Variants in ROR1 observed in about 807,000 individuals in gnomAD.
ROR1 encodes ROR family WNT receptor 1.
In ROR1, 19 loss-of-function variants were observed where a neutral mutation model predicts 78.8. The observed-to-expected ratio is 0.24, with a 90% CI of 0.17 to 0.35. The LOEUF (loss-of-function observed/expected upper bound fraction) is 0.35. Among genes scored for constraint, ROR1 ranks in the 10% least tolerant of loss-of-function variants. ROR1 has a pLI of 1.00. For missense variants in ROR1, 917 were observed against 1,177.8 expected, an observed-to-expected ratio of 0.78 and a Z score of 3.24; for synonymous variants, 386 against 433.6, an observed-to-expected ratio of 0.89 and a Z score of 1.36.
intron 1 of ROR1, among the ~76,000 whole-genome samples, chr1:63,965,517 T>C (rs1347828759): frequency 6.6e-6 from 1 of 152,216 alleles, no homozygotes; most frequent in Non-Finnish European, 1.5e-5. Flanking sequence ...GACCACAATT[T>C]GTAATATTTT....
At chr1:63,948,214 A>G (rs192101756) in intron 1 of ROR1, among the ~76,000 whole-genome samples, 1 of 152,302 alleles carries the variant, frequency 6.6e-6, no homozygotes, top group East Asian at 1.9e-4. Context: ...AAATTATCTT[A>G]TCCTCTACAC....
chr1:63,787,684 G>C (rs2100231876), intron 1 of ROR1, among the ~76,000 whole-genome samples: 1 of 152,164 alleles, frequency 6.6e-6, no homozygotes, highest in Non-Finnish European at 1.5e-5. Context: ...CTGCCACCAT[G>C]CTTGCCTAAT....
rs1251066223 is a variant in ROR1, at chr1:63,787,460, TCCTTCCTTCCTTCCTTCCTTCCTG to T, written c.91+12960_91+12983del. On this transcript the variant is annotated intron_variant, in intron 1 of 8. Transcript: ENST00000371079. The stretch of plus-strand genomic sequence containing the variant: ...TTCTTTCCTTCCTTCCTTCCTTCCT[TCCTTCCTTCCTTCCTTCCTTCCTG>T]CCTTCCTGCCTTCCTGACTTCCTTT... 1.1e-4 allele frequency among the ~76,000 whole-genome samples: 14 copies of T among 126,436 alleles called. No homozygotes were observed. The East Asian group carries it at 2.3e-3, about 21-fold the overall frequency. 82.9% of individuals were successfully genotyped at this position (126,436 alleles called of 152,430 possible). A position where few individuals can be genotyped will look rare whatever the true frequency, so the allele number is the denominator to read the frequency against.
chr1:63,989,766 AG>A (rs1646280427), intron 1 of ROR1, among the ~76,000 whole-genome samples: 1 of 152,208 alleles, frequency 6.6e-6, no homozygotes, highest in Admixed American at 6.5e-5. Flanking sequence ...ACAGTCTAGT[AG>A]AATAGGATAA....
intron 1 of ROR1, among the ~76,000 whole-genome samples, chr1:63,959,090 GAGGCCTCAGGA>G (rs1646006793): frequency 6.6e-6 from 1 of 152,174 alleles, no homozygotes; most frequent in Non-Finnish European, 1.5e-5. Flanking sequence ...CATGGCTTAG[GAGGCCTCAGGA>G]AACTTACAAT....
rs571524492 is a variant in ROR1 at position 63,956,501 on chromosome 1, G to T, written c.92-52804G>T. ...GGCTTGACATAGTACATAGCACATT[G>T]TAAGCATTTAAGAAACATTGGCTGT... On this transcript the variant is annotated intron_variant, in intron 1 of 8. Transcript: ENST00000371079. Among the ~76,000 whole-genome samples, 8 of 152,262 alleles carry T rather than the reference G, an allele frequency of 5.3e-5. No homozygotes were observed. In the East Asian group the frequency reaches 1.5e-3, roughly 29 times the overall value.
intron 1 of ROR1, among the ~76,000 whole-genome samples, chr1:63,967,152 T>G (rs1296219020): frequency 1.3e-5 from 2 of 152,090 alleles, no homozygotes; most frequent in Non-Finnish European, 2.9e-5. Flanking sequence ...TAATAAGCAC[T>G]CAATAAATGC....
intron 1 of ROR1, among the ~76,000 whole-genome samples, chr1:63,863,816 A>G (rs890352699): frequency 3.3e-5 from 5 of 149,340 alleles, no homozygotes; most frequent in African/African-American, 1.3e-4. Flanking sequence ...ATAGATGGCG[A>G]TACTTGTTCA....
intron 4 of ROR1, among the ~76,000 whole-genome samples, chr1:64,093,519 G>A (rs1647223191): frequency 6.6e-6 from 1 of 151,928 alleles, no homozygotes; most frequent in African/African-American, 2.4e-5. Context: ...GGGGTGGGAG[G>A]TAGGAGAAAT....
At chr1:63,867,213 A>G (rs1187649902) in intron 1 of ROR1, among the ~76,000 whole-genome samples, 1 of 152,228 alleles carries the variant, frequency 6.6e-6, no homozygotes, top group African/African-American at 2.4e-5. Flanking sequence ...TATAATAGAC[A>G]CATAATTAAT....
At chr1:63,826,392 C>G (rs926099706) in intron 1 of ROR1, among the ~76,000 whole-genome samples, 6 of 152,150 alleles carry the variant, frequency 3.9e-5, no homozygotes, top group South Asian at 2.1e-4. Context: ...TGGCCTCCAG[C>G]TCCATCCATG....
chr1:64,154,482 C>A (rs867982335), intron 7 of ROR1, among the ~76,000 whole-genome samples: 1 of 152,150 alleles, frequency 6.6e-6, no homozygotes, highest in African/African-American at 2.4e-5. Context: ...AAAACCAGAG[C>A]CTTTTCTTGT....
intron 1 of ROR1, among the ~76,000 whole-genome samples, chr1:64,003,355 C>T (rs285383): frequency 0.66 from 100,068 of 152,104 alleles, 37,507 homozygotes; most frequent in East Asian, 0.94. Context: ...AAAGTGATTT[C>T]GTACTGCAAT....
intron 1 of ROR1, among the ~76,000 whole-genome samples, chr1:63,936,676 G>A (rs1645796702): frequency 6.6e-6 from 1 of 152,080 alleles, no homozygotes; most frequent in South Asian, 2.1e-4. Flanking sequence ...ACTGGCCTTG[G>A]AATAACACAT....
intron 4 of ROR1, among the ~76,000 whole-genome samples, chr1:64,135,526 G>A (rs1649072787): frequency 1.3e-5 from 2 of 151,952 alleles, no homozygotes; most frequent in East Asian, 1.9e-4. Flanking sequence ...GTGGCATGGG[G>A]GTGTATTCTG....
At chr1:64,141,602 A>G (rs1265342893) in intron 6 of ROR1, among the ~76,000 whole-genome samples, 2 of 152,114 alleles carry the variant, frequency 1.3e-5, no homozygotes, top group Non-Finnish European at 2.9e-5. Flanking sequence ...GTTTGCCTCC[A>G]TCCCCTACCC....
intron 2 of ROR1, among the ~76,000 whole-genome samples, chr1:64,048,548 G>A (rs1173274915): frequency 3.9e-5 from 6 of 152,064 alleles, no homozygotes; most frequent in African/African-American, 1.4e-4. Context: ...GGGGTGCTTA[G>A]GAAAAATGAA....
intron 2 of ROR1, among the ~76,000 whole-genome samples, chr1:64,013,168 T>G (rs1646491308): frequency 6.6e-6 from 1 of 152,192 alleles, no homozygotes; most frequent in Admixed American, 6.5e-5. Context: ...TAAGAAGTGA[T>G]AGCTGTTTTG....
chr1:64,025,926 G>C (rs939073990), intron 2 of ROR1, among the ~76,000 whole-genome samples: 2 of 152,124 alleles, frequency 1.3e-5, no homozygotes, highest in Non-Finnish European at 2.9e-5. Context: ...TTACTGCTTA[G>C]GTGATGGGTG....
Sources: gnomAD v4.1 joint callset for allele counts (sites outside exome capture counted in the v4.1 genomes callset) on GRCh38, gnomAD v4.1.1 for gene constraint, MANE v1.5 for transcripts, NCBI Gene and HGNC (gene_info 2026-07-23, HGNC 2026-07-21) for gene names.